The following GHR variants were observed in gnomAD, a reference collection of about 807,000 sequenced individuals.
The protein encoded by GHR is GH receptor.
A neutral mutation model predicts 67.1 loss-of-function variants in GHR; 35 were observed. The ratio of observed to expected loss-of-function variants is 0.52; its 90% CI spans 0.40 to 0.69. GHR has a LOEUF of 0.69. GHR is among the 30% of genes least tolerant of loss of function. GHR has a pLI of 0.00. For missense variants in GHR, 792 were observed against 764.6 expected, an observed-to-expected ratio of 1.04 and a Z score of -0.42; for synonymous variants, 272 against 269.1, an observed-to-expected ratio of 1.01 and a Z score of -0.10.
intron 1 of GHR, 96 bp from the exon 2 acceptor site, chr5:42,565,768 A>T: frequency 1.2e-6 from 2 of 1,607,534 alleles, no homozygotes; most frequent in Non-Finnish European, 1.7e-6. Flanking sequence ...CTGACTCGTC[A>T]GCTCATTCAT....
chr5:42,488,139 T>C (rs573903137), intron 1 of GHR, among the ~76,000 whole-genome samples: 1 of 152,258 alleles, frequency 6.6e-6, no homozygotes, highest in Non-Finnish European at 1.5e-5. Flanking sequence ...CATCATACAA[T>C]GTATCTATTA....
Position 42,576,108 on chromosome 5 carries a change from TAAAATA to T in GHR, c.70+10168_70+10173del, listed in dbSNP as rs1561135810. On this transcript the variant is annotated intron_variant, in intron 2 of 9. Transcript: ENST00000230882. ...ATAAAATAAAATAAAATAAATAAAA[TAAAATA>T]AAATAAAATAAAATAAAATAAAATA... Among the ~76,000 whole-genome samples, 41 of 76,410 alleles carry T rather than the reference TAAAATA, an allele frequency of 5.4e-4. No homozygotes were observed. The South Asian group carries it at 0.011, about 21-fold the overall frequency. 50.1% of individuals were successfully genotyped at this position (76,410 alleles called of 152,430 possible).
chr5:42,483,101 C>T (rs1447944752), intron 1 of GHR, among the ~76,000 whole-genome samples: 1 of 152,222 alleles, frequency 6.6e-6, no homozygotes, highest in Non-Finnish European at 1.5e-5. Context: ...CAGGGTCTCA[C>T]TTTGTCATCC....
chr5:42,528,563 GGTGAA>G (rs1316336913), intron 1 of GHR, among the ~76,000 whole-genome samples: 1 of 152,176 alleles, frequency 6.6e-6, no homozygotes, highest in East Asian at 1.9e-4. Context: ...ATCTACTCCT[GGTGAA>G]GATGCCATGA....
rs1742757134 is a variant in GHR, at chr5:42,424,524, C to A, written c.-12+569C>A. The A allele has an allele frequency of 8.9e-6, 13 of 1,467,714 alleles. No individual in the cohort carries two copies. Among genetic ancestry groups the A allele is most frequent in the Non-Finnish European group, 1.1e-5 (12 of 1,085,564 alleles). 90.9% of individuals were successfully genotyped at this position (1,467,714 alleles called of 1,614,324 possible). A position where few individuals can be genotyped will look rare whatever the true frequency, so the allele number is the denominator to read the frequency against. ...GCGCGCGGTCTTTTGCGCGTTTGTG[C>A]GGGCCGCAGCCGCACGTTGGCACCG... On this transcript the variant is annotated intron_variant, in intron 1 of 9. Transcript: ENST00000230882. This position sits in a 1 kb window ranked among gnomAD's most constrained non-coding sequence, Gnocchi z 4.1.
chr5:42,603,481 TG>T (rs1244417032), intron 2 of GHR, among the ~76,000 whole-genome samples: 1 of 152,288 alleles, frequency 6.6e-6, no homozygotes, highest in East Asian at 1.9e-4. Context: ...AATATGTATA[TG>T]GGTTCACTTG....
chr5:42,431,800 A>G (rs1053829164), intron 1 of GHR, among the ~76,000 whole-genome samples: 9 of 152,234 alleles, frequency 5.9e-5, no homozygotes, highest in Non-Finnish European at 1.5e-5. Flanking sequence ...GAAGAAGTGC[A>G]CTTCACAGGG....
intron 4 of GHR, among the ~76,000 whole-genome samples, chr5:42,692,055 A>G (rs1275684312): frequency 6.6e-6 from 1 of 152,222 alleles, no homozygotes; most frequent in South Asian, 2.1e-4. Context: ...CCCCACTTCA[A>G]AAATTACCCT....
In GHR at chr5:42,424,337, T is replaced by G. The variant is rs1579671428; in HGVS notation, c.-12+382T>G. ...GGGGTTTACTCCGGAGACAGTTTTG[T>G]TAAAGTCATAAAAGTTTTGCTAGTG... On this transcript the variant is annotated intron_variant, in intron 1 of 9. Transcript: ENST00000230882. This position sits in a 1 kb window ranked among gnomAD's most constrained non-coding sequence, Gnocchi z 4.1. The G allele has an allele frequency of 1.7e-6, 1 of 578,194 alleles. No homozygotes were observed. The highest frequency in any genetic ancestry group is 2.9e-5 in the East Asian group (1 of 34,950). 35.8% of individuals were successfully genotyped at this position (578,194 alleles called of 1,614,324 possible).
At chr5:42,579,830 A>G (rs1448788385) in intron 2 of GHR, among the ~76,000 whole-genome samples, 1 of 152,140 alleles carries the variant, frequency 6.6e-6, no homozygotes, top group Non-Finnish European at 1.5e-5. Context: ...TCAATCTGCC[A>G]TATTTAAGGT....
At position 42,478,599 on chromosome 5, in the gene GHR, C is replaced by T. The variant is rs548031074; in HGVS notation, c.-12+54644C>T. On this transcript the variant is annotated intron_variant, in intron 1 of 9. Transcript: ENST00000230882. ...TAGTTCTCCTTGAAGATGTCCTTCA[C>T]ATCCCTTGTAAGTTGGATTTCTAGG... Among the ~76,000 whole-genome samples, 9 of 152,322 alleles carry T rather than the reference C, an allele frequency of 5.9e-5. No individual in the cohort carries two copies. The East Asian group carries it at 1.7e-3, about 29-fold the overall frequency.
chr5:42,599,060 GA>G (rs1404602475), intron 2 of GHR, among the ~76,000 whole-genome samples: 8 of 152,148 alleles, frequency 5.3e-5, no homozygotes, highest in African/African-American at 1.7e-4. Flanking sequence ...TTTGTAGTTA[GA>G]AAAAAAGTAT....
chr5:42,579,266 T>C (rs1751031550), intron 2 of GHR, among the ~76,000 whole-genome samples: 1 of 152,146 alleles, frequency 6.6e-6, no homozygotes, highest in Non-Finnish European at 1.5e-5. Context: ...GACAAAGAGA[T>C]TCACTAACCT....
chr5:42,506,729 T>C (rs1463736521), intron 1 of GHR, among the ~76,000 whole-genome samples: 1 of 152,200 alleles, frequency 6.6e-6, no homozygotes, highest in Non-Finnish European at 1.5e-5. Flanking sequence ...GTCAAGCGTA[T>C]CCTTTTAGAT....
intron 2 of GHR, among the ~76,000 whole-genome samples, chr5:42,597,461 T>C (rs1189706437): frequency 6.6e-6 from 1 of 152,142 alleles, no homozygotes; most frequent in Non-Finnish European, 1.5e-5. Context: ...GTGGATCCAG[T>C]ACACCACTAG....
At chr5:42,569,924 A>C (rs1320860752) in intron 2 of GHR, among the ~76,000 whole-genome samples, 1 of 152,152 alleles carries the variant, frequency 6.6e-6, no homozygotes, top group Non-Finnish European at 1.5e-5. Flanking sequence ...AAGAGCCCCA[A>C]AATAATTTTT....
At chr5:42,682,759 T>C (rs1434214377) in intron 3 of GHR, among the ~76,000 whole-genome samples, 1 of 152,260 alleles carries the variant, frequency 6.6e-6, no homozygotes, top group East Asian at 1.9e-4. Context: ...TAAGTTCTGA[T>C]ATATTAAATT....
At chr5:42,695,127 A>G (rs1300737255) in intron 5 of GHR, 38 bp downstream of exon 5, 26 of 1,436,612 alleles carry the variant, frequency 1.8e-5, no homozygotes, top group Non-Finnish European at 2.4e-5. Context: ...ACATAGTTTT[A>G]GACTAAATAA....
At chr5:42,552,616 T>C (rs978065471) in intron 1 of GHR, among the ~76,000 whole-genome samples, 1 of 152,218 alleles carries the variant, frequency 6.6e-6, no homozygotes, top group Non-Finnish European at 1.5e-5. Context: ...ACTTAAGAGA[T>C]GAGCCAATAC....
Sources: allele counts gnomAD v4.1 joint callset (sites outside exome capture counted in the v4.1 genomes callset), GRCh38; gene constraint gnomAD v4.1.1; non-coding constraint Gnocchi (gnomAD v3.1); transcripts MANE v1.5; gene names NCBI Gene and HGNC (gene_info 2026-07-23, HGNC 2026-07-21).